Variants in PATJ observed in about 807,000 individuals in gnomAD.
PATJ encodes the protein PATJ crumbs cell polarity complex component.
In PATJ, 190 loss-of-function variants were observed where a neutral mutation model predicts 224.9. The observed-to-expected ratio is 0.84, with a 90% CI of 0.75 to 0.95. The LOEUF is 0.95. Among genes scored for constraint, PATJ ranks in the 40% least tolerant of loss-of-function variants. The pLI, the probability that PATJ is intolerant of heterozygous loss-of-function variation, is 0.00. For missense variants in PATJ, 2,121 were observed against 2,270.3 expected, an observed-to-expected ratio of 0.93 and a Z score of 1.34; for synonymous variants, 769 against 820.3, an observed-to-expected ratio of 0.94 and a Z score of 1.07.
At position 62,117,235 on chromosome 1, in the gene PATJ, C is replaced by T; in HGVS notation, c.4890+17C>T. ...AACAGTCAGGTTGTCGATGGCTTCT[C>T]ATCAGACTGACTCACTCTTCTGCCC... On this transcript the variant is annotated intron_variant, in intron 37 of 43. Coordinates refer to ENST00000642238, the MANE Select transcript of PATJ (RefSeq NM_001350145.3). The T allele has an allele frequency of 6.2e-7, 1 of 1,613,858 alleles. No homozygotes were observed. The highest frequency in any genetic ancestry group is 8.5e-7 in the Non-Finnish European group (1 of 1,179,928).
intron 1 of PATJ, among the ~76,000 whole-genome samples, chr1:61,760,619 C>CTTTTTTT (rs200693394): frequency 1.8e-4 from 25 of 135,446 alleles, no homozygotes; most frequent in Middle Eastern, 3.9e-3. Context: ...TTTTCTTTTT[C>CTTTTTTT]TTTTTTTTTT....
At chr1:62,128,606 C>T (rs980464642) in intron 40 of PATJ, 6 of 480,338 alleles carry the variant, frequency 1.2e-5, no homozygotes, top group Non-Finnish European at 2.2e-5. Context: ...ACAAAAATGG[C>T]CTACTGTGCC....
chr1:62,148,120 TTAAAAAA>T lies in PATJ; in HGVS notation c.5272-163_5272-157del, dbSNP rs1668248473. ...TGAGCAACAGAGTGAGACACTGTCT[TTAAAAAA>T]AAAAAAAAAAAAAAGTTTGAGAGAA... On this transcript the variant is annotated intron_variant, in intron 41 of 43. Transcript: ENST00000642238. Among the ~76,000 whole-genome samples the T allele has an allele frequency of 3.0e-3, 324 of 108,488 alleles. 17 individuals carry two copies. Among genetic ancestry groups the T allele is most frequent in the Admixed American group, 6.9e-3 (61 of 8,814 alleles). 71.2% of individuals were successfully genotyped at this position (108,488 alleles called of 152,430 possible). A position where few individuals can be genotyped will look rare whatever the true frequency, so the allele number is the denominator to read the frequency against.
At position 61,981,507 on chromosome 1, in the gene PATJ, T is replaced by A. The variant is rs148030285; in HGVS notation, c.3671-8661T>A. On this transcript the variant is annotated intron_variant, in intron 27 of 43. Coordinates refer to ENST00000642238, the MANE Select transcript of PATJ (RefSeq NM_001350145.3). ...GAGAAAAGCATAACAAATTTGTTTA[T>A]CCAAAATTTTATACAACACAGGAGC... Among the ~76,000 whole-genome samples, 882 of 152,032 alleles carry A rather than the reference T, an allele frequency of 5.8e-3. 11 individuals carry two copies. The highest frequency in any genetic ancestry group is 0.027 in the Middle Eastern group (8 of 294).
rs775634715 is a variant in PATJ at position 61,822,817 on chromosome 1, C to T, written c.1684-128C>T. On this transcript the variant is annotated intron_variant, in intron 14 of 43. Coordinates refer to ENST00000642238, the MANE Select transcript of PATJ (RefSeq NM_001350145.3). The stretch of plus-strand genomic sequence containing the variant: ...CTGAAGCTAATTTTCCTATTATTGT[C>T]CTCTTTTAGGATTTTGGTGATCTAA... The T allele has an allele frequency of 7.2e-5, 76 of 1,059,674 alleles. No homozygotes were observed. In the Middle Eastern group the frequency reaches 2.8e-3, roughly 38 times the overall value. 65.6% of individuals were successfully genotyped at this position (1,059,674 alleles called of 1,614,324 possible). A position where few individuals can be genotyped will look rare whatever the true frequency, so the allele number is the denominator to read the frequency against.
intron 28 of PATJ, among the ~76,000 whole-genome samples, chr1:61,997,575 T>A (rs1468478603): frequency 6.6e-6 from 1 of 152,200 alleles, no homozygotes; most frequent in Non-Finnish European, 1.5e-5. Context: ...ATTATTTGCC[T>A]GGCAGTAGGC....
At position 61,903,113 on chromosome 1, in the gene PATJ, G is replaced by A. The variant is rs187460288; in HGVS notation, c.3381+1654G>A. On this transcript the variant is annotated intron_variant, in intron 24 of 43. Transcript: ENST00000642238. ...GAAGGTCTTCTGCTCTGAACGCAGC[G>A]GAGAGTCACTGGAGAATTATGAACA... Among the ~76,000 whole-genome samples, 522 of 152,258 alleles carry A rather than the reference G, an allele frequency of 3.4e-3. 6 individuals carry two copies. Among genetic ancestry groups the A allele is most frequent in the Non-Finnish European group, 4.9e-3 (334 of 68,030 alleles).
rs956648256 is a variant in PATJ, at chr1:61,769,395, A to T, written c.497A>T (p.Asp166Val). ...GGAAAAGTTGATATCTTCGTGAAGG[A>T]TGTCCAGCCAGGGAGTGTAGCAGAC... ...NLGKVDIFVK[D>V]VQPGSVADRD... The change falls in exon 5 of 44, where the codon GAT becomes GTT. Residue 166 changes from aspartate (D) to valine (V), a missense_variant. Asp to Val is a radical substitution (Grantham distance 152). Coordinates refer to ENST00000642238, the MANE Select transcript of PATJ (RefSeq NM_001350145.3). 2 of 1,614,026 alleles carry T rather than the reference A, an allele frequency of 1.2e-6. No individual in the cohort carries two copies. Among genetic ancestry groups the T allele is most frequent in the African/African-American group, 2.7e-5 (2 of 74,916 alleles).
At chr1:62,050,292 A>G (rs923573101) in intron 30 of PATJ, among the ~76,000 whole-genome samples, 1 of 152,220 alleles carries the variant, frequency 6.6e-6, no homozygotes, top group Non-Finnish European at 1.5e-5. Context: ...GCTGGAGGTA[A>G]CAGAATGGCT....
chr1:61,948,655 G>C (rs1340130095), intron 27 of PATJ, among the ~76,000 whole-genome samples: 1 of 152,182 alleles, frequency 6.6e-6, no homozygotes, highest in African/African-American at 2.4e-5. Context: ...AGACAGTGTG[G>C]TGATTCCTCA....
intron 1 of PATJ, among the ~76,000 whole-genome samples, chr1:61,761,355 A>C (rs1645961674): frequency 6.6e-6 from 1 of 152,128 alleles, no homozygotes; most frequent in African/African-American, 2.4e-5. Context: ...CACTCCAAAA[A>C]AGCTTCCTTG....
At position 62,114,050 on chromosome 1, in the gene PATJ, C is replaced by T; in HGVS notation, c.4462-3C>T. 3 of 1,613,454 alleles carry T rather than the reference C, an allele frequency of 1.9e-6. No individual in the cohort carries two copies. The highest frequency in any genetic ancestry group is 1.7e-6 in the Non-Finnish European group (2 of 1,179,708). ...GCCCAGCTCAGGATGCCCATTGTTC[C>T]AGGTTAATGGGGTTGACCTGAGGAA... On this transcript the variant is annotated splice_polypyrimidine_tract_variant and splice_region_variant and intron_variant, in intron 34 of 43. Transcript: ENST00000642238.
intron 16 of PATJ, among the ~76,000 whole-genome samples, chr1:61,829,812 T>A (rs1006458593): frequency 1.3e-5 from 2 of 152,232 alleles, no homozygotes; most frequent in African/African-American, 4.8e-5. Flanking sequence ...ATTCTAATAC[T>A]CATTAATCAG....
Position 62,116,707 on chromosome 1 carries a change from G to A in PATJ, c.4803+28G>A, listed in dbSNP as rs374680255. The A allele has an allele frequency of 5.8e-5, 92 of 1,588,344 alleles. No individual in the cohort carries two copies. The African/African-American group carries it at 1.1e-3, about 20-fold the overall frequency. ...GAGTTGCTAGGCTGCTTTTTACCCA[G>A]CTGGCACAACTGAAGTCCAGTGGGA... On this transcript the variant is annotated intron_variant, in intron 36 of 43. Coordinates refer to ENST00000642238, the MANE Select transcript of PATJ (RefSeq NM_001350145.3).
intron 7 of PATJ, 39 bp from the exon 8 acceptor site, chr1:61,787,715 G>A: frequency 6.8e-7 from 1 of 1,462,964 alleles, no homozygotes; most frequent in Non-Finnish European, 9.6e-7. Flanking sequence ...TGAAGTTACA[G>A]CATTTATTTC....
chr1:61,764,578 G>A (rs1309365049), intron 3 of PATJ, among the ~76,000 whole-genome samples: 1 of 151,922 alleles, frequency 6.6e-6, no homozygotes, highest in Non-Finnish European at 1.5e-5. Flanking sequence ...ATGAAATTTG[G>A]GCAGAATTTA....
Position 62,127,886 on chromosome 1 carries a change from T to C in PATJ, c.5044-86T>C. On this transcript the variant is annotated intron_variant, in intron 39 of 43. Coordinates refer to ENST00000642238, the MANE Select transcript of PATJ (RefSeq NM_001350145.3). Reference sequence around the variant, plus strand: ...CTGGCCTCCTACCTCATGGAGGGATTTTGTTCCAACAGCTATCTATCTAGG... The same window carrying C: ...CTGGCCTCCTACCTCATGGAGGGATCTTGTTCCAACAGCTATCTATCTAGG... 7 of 1,415,068 alleles carry C rather than the reference T, an allele frequency of 4.9e-6. No individual in the cohort carries two copies. The South Asian group carries it at 8.7e-5, about 18-fold the overall frequency. The allele number at this position is 1,415,068 out of a possible 1,614,324, so 87.7% of individuals were successfully genotyped here.
chr1:61,952,308 G>C (rs1219630344), intron 27 of PATJ: 1 of 666,760 alleles, frequency 1.5e-6, no homozygotes, highest in African/African-American at 1.8e-5. Flanking sequence ...TCAGAAGAGA[G>C]AGGAGTCTGT....
intron 17 of PATJ, among the ~76,000 whole-genome samples, chr1:61,838,417 C>T (rs529761727): frequency 2.0e-5 from 3 of 151,282 alleles, no homozygotes; most frequent in South Asian, 2.1e-4. Flanking sequence ...TGCAGTGGCG[C>T]GATCTCAGCT....
Sources: allele counts gnomAD v4.1 joint callset (sites outside exome capture counted in the v4.1 genomes callset), GRCh38; gene constraint gnomAD v4.1.1; transcripts MANE v1.5; gene names NCBI Gene and HGNC (gene_info 2026-07-23, HGNC 2026-07-21).